Variants in LGSN observed in about 807,000 individuals in gnomAD.
The protein encoded by LGSN is lengsin, lens protein with glutamine synthetase domain.
Under a neutral mutation model 19.5 loss-of-function variants are expected in LGSN, and 21 were observed. The ratio of observed to expected loss-of-function variants is 1.07; its 90% CI spans 0.76 to 1.55. LGSN has a LOEUF of 1.55. LGSN is among the 40% of genes most tolerant of loss of function. LGSN has a pLI of 0.00. For synonymous variants in LGSN, 257 were observed against 215.6 expected (o/e 1.19, Z -1.68); for missense variants, 673 against 608.5 (o/e 1.11, Z -1.12).
At chr6:63,332,120 G>A in the LGSN span, among the ~76,000 whole-genome samples, 1 of 152,166 alleles carries the variant, frequency 6.6e-6, no homozygotes, top group Non-Finnish European at 1.5e-5. Flanking sequence ...TTAGTCTGAG[G>A]AGGGATCCTA....
chr6:63,487,086 C>T, the LGSN span, among the ~76,000 whole-genome samples: 6 of 152,090 alleles, frequency 3.9e-5, no homozygotes, highest in African/African-American at 1.2e-4. Flanking sequence ...CCACCTGTTT[C>T]GGCCTCCCAA....
chr6:63,461,149 C>G, the LGSN span, among the ~76,000 whole-genome samples: 10 of 152,236 alleles, frequency 6.6e-5, no homozygotes, highest in Admixed American at 5.2e-4. Context: ...CTCACTGCAA[C>G]CTCTGCCTCC....
the LGSN span, among the ~76,000 whole-genome samples, chr6:63,446,183 G>A: frequency 7.3e-6 from 1 of 137,216 alleles, no homozygotes; most frequent in Non-Finnish European, 1.5e-5. Context: ...CTGGGAGGCA[G>A]ATTTTGCAAT....
At chr6:63,446,256 A>C in the LGSN span, among the ~76,000 whole-genome samples, 16 of 151,300 alleles carry the variant, frequency 1.1e-4, 1 homozygote. Context: ...AAAAAAAAAA[A>C]AAAAAAAACG....
chr6:63,362,793 C>A, the LGSN span, among the ~76,000 whole-genome samples: 1 of 152,230 alleles, frequency 6.6e-6, no homozygotes, highest in Non-Finnish European at 1.5e-5. Flanking sequence ...GAACAAAAGG[C>A]AGCAGAAAAT....
chr6:63,557,942 T>G, the LGSN span, among the ~76,000 whole-genome samples: 1 of 151,594 alleles, frequency 6.6e-6, no homozygotes, highest in Admixed American at 6.6e-5. Flanking sequence ...CAGGCTGGAG[T>G]GCAGGGGTGC....
At chr6:63,337,782 T>A in the LGSN span, among the ~76,000 whole-genome samples, 14 of 151,756 alleles carry the variant, frequency 9.2e-5, no homozygotes, top group South Asian at 2.9e-3. Flanking sequence ...CCAGCCTGGA[T>A]AACAGAGTGA....
the LGSN span, among the ~76,000 whole-genome samples, chr6:63,542,138 T>C: frequency 3.3e-5 from 5 of 151,630 alleles, no homozygotes; most frequent in African/African-American, 7.3e-5. Context: ...TGGATGACAT[T>C]GGAGAATACT....
At chr6:63,547,135 C>T in the LGSN span, among the ~76,000 whole-genome samples, 5 of 151,722 alleles carry the variant, frequency 3.3e-5, no homozygotes, top group African/African-American at 1.2e-4. Context: ...ATTAATCACT[C>T]TCAAGAGAAT....
At chr6:63,546,213 A>G in the LGSN span, among the ~76,000 whole-genome samples, 1 of 152,268 alleles carries the variant, frequency 6.6e-6, no homozygotes, top group Non-Finnish European at 1.5e-5. Flanking sequence ...CTTAAAAAAG[A>G]AGGAAATACT....
chr6:63,326,145 C>T, the LGSN span, among the ~76,000 whole-genome samples: 7 of 152,166 alleles, frequency 4.6e-5, no homozygotes, highest in South Asian at 2.1e-4. Context: ...TACAGAGTGT[C>T]GATTGGTGCG....
At chr6:63,537,921 G>A in the LGSN span, among the ~76,000 whole-genome samples, 2 of 152,224 alleles carry the variant, frequency 1.3e-5, no homozygotes, top group Admixed American at 1.3e-4. Flanking sequence ...GGCAGGCCCA[G>A]ACAGGAGTTT....
At chr6:63,284,998 T>A (rs1370149286) in intron 3 of LGSN, among the ~76,000 whole-genome samples, 1 of 152,076 alleles carries the variant, frequency 6.6e-6, no homozygotes, top group African/African-American at 2.4e-5. Context: ...AACAACTCAG[T>A]CATCAAAATA....
chr6:63,404,386 T>C, the LGSN span, among the ~76,000 whole-genome samples: 2 of 152,106 alleles, frequency 1.3e-5, no homozygotes, highest in Admixed American at 6.6e-5. Flanking sequence ...CCAAAAAAAA[T>C]CCAGAACTAA....
At chr6:63,463,417 A>G in the LGSN span, among the ~76,000 whole-genome samples, 2 of 152,032 alleles carry the variant, frequency 1.3e-5, no homozygotes, top group African/African-American at 4.8e-5. Context: ...CTCATCTGCC[A>G]CTCTTGTACA....
chr6:63,416,620 T>G, the LGSN span, among the ~76,000 whole-genome samples: 17,469 of 151,934 alleles, frequency 0.11, 2,000 homozygotes, highest in African/African-American at 0.3. Flanking sequence ...CCTGTTGCCC[T>G]GGCTGGAGTG....
chr6:63,462,148 T>C, the LGSN span, among the ~76,000 whole-genome samples: 1 of 152,208 alleles, frequency 6.6e-6, no homozygotes. Flanking sequence ...TCTCTTACTC[T>C]ATAAACTTAT....
At chr6:63,358,882 A>G in the LGSN span, among the ~76,000 whole-genome samples, 6 of 152,226 alleles carry the variant, frequency 3.9e-5, no homozygotes, top group South Asian at 2.1e-4. Context: ...GAATAGGAGT[A>G]GTGAGAGAGG....
the LGSN span, among the ~76,000 whole-genome samples, chr6:63,564,764 C>T: frequency 5.9e-5 from 9 of 152,264 alleles, no homozygotes; most frequent in African/African-American, 1.7e-4. Flanking sequence ...GAGACTGTGG[C>T]CTTCCTGATT....
Sources: gnomAD v4.1 joint callset for allele counts (sites outside exome capture counted in the v4.1 genomes callset) on GRCh38, gnomAD v4.1.1 for gene constraint, MANE v1.5 for transcripts, NCBI Gene and HGNC (gene_info 2026-07-23, HGNC 2026-07-21) for gene names.